The following ZNF644 variants were observed in gnomAD, a reference collection of about 807,000 sequenced individuals.
ZNF644 encodes zinc finger motif enhancer binding protein 2.
Under a neutral mutation model 108.0 loss-of-function variants are expected in ZNF644, and 20 were observed. The ratio of observed to expected loss-of-function variants is 0.19; its 90% CI spans 0.13 to 0.27. The LOEUF (loss-of-function observed/expected upper bound fraction) is 0.27. Among genes scored for constraint, ZNF644 ranks in the 10% least tolerant of loss-of-function variants. The pLI, the probability that ZNF644 is intolerant of heterozygous loss-of-function variation, is 1.00. For synonymous variants in ZNF644, 542 were observed against 539.1 expected, an observed-to-expected ratio of 1.01 and a Z score of -0.08; for missense variants, 1,338 against 1,548.9, an observed-to-expected ratio of 0.86 and a Z score of 2.29.
intron 2 of ZNF644, among the ~76,000 whole-genome samples, chr1:90,961,931 A>T (rs1275159384): frequency 6.6e-6 from 1 of 152,060 alleles, no homozygotes; most frequent in Non-Finnish European, 1.5e-5. Context: ...CTGAACAGAA[A>T]ATTATCTGGC....
intron 1 of ZNF644, among the ~76,000 whole-genome samples, chr1:90,994,666 TAGGCAGC>T (rs1196269415): frequency 1.3e-5 from 2 of 152,200 alleles, no homozygotes; most frequent in African/African-American, 4.8e-5. Flanking sequence ...CTATGCAGTG[TAGGCAGC>T]AGGAAGCTGC....
chr1:90,926,453 T>C (rs918892588), intron 4 of ZNF644, among the ~76,000 whole-genome samples: 3 of 152,182 alleles, frequency 2.0e-5, no homozygotes, highest in African/African-American at 7.2e-5. Context: ...TTGGTCTCTG[T>C]CTGAGGATAC....
chr1:91,013,470 C>T lies in ZNF644; in HGVS notation c.-18+8520G>A, dbSNP rs1660154364. Among the ~76,000 whole-genome samples the T allele has an allele frequency of 2.7e-5, 4 of 149,540 alleles. No homozygotes were observed. The South Asian group carries it at 8.4e-4, about 31-fold the overall frequency. On this transcript the variant is annotated intron_variant, in intron 1 of 5. Coordinates refer to ENST00000337393, the MANE Select transcript of ZNF644 (RefSeq NM_201269.3). Reference sequence around the variant, plus strand: ...TCTCTCTCACACACACACACACACACACACACACACACATACACACACACA... The same window carrying T: ...TCTCTCTCACACACACACACACACATACACACACACACATACACACACACA...
At chr1:90,919,587 T>G (rs1223236201) in intron 4 of ZNF644, among the ~76,000 whole-genome samples, 1 of 152,156 alleles carries the variant, frequency 6.6e-6, no homozygotes. Context: ...CACAGTCTTT[T>G]TCTGTTTATC....
intron 2 of ZNF644, among the ~76,000 whole-genome samples, chr1:90,954,955 C>A (rs1653596848): frequency 1.3e-5 from 2 of 152,206 alleles, no homozygotes; most frequent in Non-Finnish European, 2.9e-5. Context: ...AGGAATCACT[C>A]TAGCTACAGC....
In ZNF644 at chr1:91,007,267, G is replaced by A. The variant is rs537961422; in HGVS notation, c.-18+14723C>T. ...TTTTTTTTTTTTGAGACAGTGTCTC[G>A]CTCTGTTGCACAGGCTGGAGCACAG... On this transcript the variant is annotated intron_variant, in intron 1 of 5. Coordinates refer to ENST00000337393, the MANE Select transcript of ZNF644 (RefSeq NM_201269.3). Among the ~76,000 whole-genome samples, 7 of 104,534 alleles carry A rather than the reference G, an allele frequency of 6.7e-5. No individual in the cohort carries two copies. In the East Asian group the frequency reaches 1.5e-3, roughly 23 times the overall value. The allele number at this position is 104,534 out of a possible 152,430, so 68.6% of individuals were successfully genotyped here. A position where few individuals can be genotyped will look rare whatever the true frequency, so the allele number is the denominator to read the frequency against.
intron 4 of ZNF644, among the ~76,000 whole-genome samples, chr1:90,926,711 T>C (rs747311355): frequency 2.0e-5 from 3 of 152,134 alleles, no homozygotes; most frequent in Non-Finnish European, 4.4e-5. Context: ...ATCTCTTAAC[T>C]CTAATCTACC....
intron 4 of ZNF644, among the ~76,000 whole-genome samples, chr1:90,926,951 CTA>C (rs1406197961): frequency 6.6e-6 from 1 of 152,172 alleles, no homozygotes; most frequent in African/African-American, 2.4e-5. Flanking sequence ...GACTAGCGTT[CTA>C]TGTCATCTAT....
chr1:90,940,455 A>G lies in ZNF644; in HGVS notation c.899T>C (p.Ile300Thr). The G allele has an allele frequency of 6.2e-7, 1 of 1,613,572 alleles. No homozygotes were observed. The highest frequency in any genetic ancestry group is 8.5e-7 in the Non-Finnish European group (1 of 1,179,888). ...AAAGCAATCCTCGGTATAACGAGTT[A>G]TCTTGCTTACATCCATTTTTCGCTT... ...KRKRKMDVSK[I>T]TRYTEDCFSD... is the part of the protein sequence containing the mutation. The change falls in exon 3 of 6, where the codon ATA becomes ACA. Residue 300 changes from isoleucine to threonine, a missense_variant. Ile to Thr is a moderately conservative substitution (Grantham distance 89). Coordinates refer to ENST00000337393, the MANE Select transcript of ZNF644 (RefSeq NM_201269.3).
At chr1:90,969,302 G>A (rs924266206) in intron 2 of ZNF644, among the ~76,000 whole-genome samples, 9 of 152,222 alleles carry the variant, frequency 5.9e-5, no homozygotes, top group Non-Finnish European at 1.2e-4. Context: ...AAGGAGAGAG[G>A]CCTCAGGAGA....
intron 4 of ZNF644, among the ~76,000 whole-genome samples, chr1:90,929,024 T>C (rs1650408089): frequency 6.6e-6 from 1 of 152,206 alleles, no homozygotes; most frequent in Non-Finnish European, 1.5e-5. Flanking sequence ...CAAACTTTTG[T>C]TGAATGAATA....
intron 2 of ZNF644, among the ~76,000 whole-genome samples, chr1:90,952,026 AG>A (rs1275966189): frequency 6.6e-6 from 1 of 152,162 alleles, no homozygotes; most frequent in East Asian, 1.9e-4. Context: ...GGAAGAGTTC[AG>A]TATCTGTCTC....
Position 90,939,031 on chromosome 1 carries a change from A to C in ZNF644, c.2323T>G (p.Phe775Val). Residue 775 changes from phenylalanine (F) to valine (V), a missense_variant, in exon 3 of 6, where the codon TTT becomes GTT. By Grantham distance (50) the Phe-to-Val change is conservative. Transcript: ENST00000337393. ...EASSLNSLHLFSSSSNSHNNF... is the reference protein window; with the variant it reads ...EASSLNSLHLVSSSSNSHNNF... ...TTGTGAGAATTACTTGATGATGAAAACAGGTGTAAAGAATTTAATGAACTA... is the reference window on the plus strand; with the variant it reads ...TTGTGAGAATTACTTGATGATGAAACCAGGTGTAAAGAATTTAATGAACTA... The C allele has an allele frequency of 6.2e-7, 1 of 1,614,032 alleles. No individual in the cohort carries two copies. Among genetic ancestry groups the C allele is most frequent in the Non-Finnish European group, 8.5e-7 (1 of 1,179,916 alleles).
chr1:90,981,074 CAA>C (rs1429004233), intron 2 of ZNF644, among the ~76,000 whole-genome samples: 3 of 152,004 alleles, frequency 2.0e-5, no homozygotes, highest in East Asian at 3.9e-4. Context: ...AAAATCAGAA[CAA>C]AAGTTTTAAC....
intron 2 of ZNF644, among the ~76,000 whole-genome samples, chr1:90,979,284 G>A (rs1250998414): frequency 2.0e-5 from 3 of 152,008 alleles, no homozygotes; most frequent in African/African-American, 7.2e-5. Flanking sequence ...CTAGCCTGAC[G>A]AACATAGTGA....
At chr1:90,948,020 A>G (rs1652699384) in intron 2 of ZNF644, among the ~76,000 whole-genome samples, 5 of 152,236 alleles carry the variant, frequency 3.3e-5, no homozygotes, top group Admixed American at 6.5e-5. Context: ...AGAGACAATT[A>G]TACGTAAAGA....
At chr1:90,997,389 G>A (rs1397710864) in intron 1 of ZNF644, among the ~76,000 whole-genome samples, 1 of 152,018 alleles carries the variant, frequency 6.6e-6, no homozygotes, top group African/African-American at 2.4e-5. Flanking sequence ...ACTGAGCAGA[G>A]ATTTCAGTGC....
intron 1 of ZNF644, among the ~76,000 whole-genome samples, chr1:91,008,772 A>G (rs1659674263): frequency 6.6e-6 from 1 of 152,214 alleles, no homozygotes; most frequent in African/African-American, 2.4e-5. Flanking sequence ...CAAAAACCTC[A>G]CTATTAACGT....
chr1:90,936,423 G>GTTC (rs1651331199), intron 4 of ZNF644, among the ~76,000 whole-genome samples: 1 of 151,994 alleles, frequency 6.6e-6, no homozygotes, highest in Admixed American at 6.6e-5. Context: ...AGAAAAAGCC[G>GTTC]GATTAAACAG....
Sources: gnomAD v4.1 joint callset for allele counts (sites outside exome capture counted in the v4.1 genomes callset) on GRCh38, gnomAD v4.1.1 for gene constraint, MANE v1.5 for transcripts, NCBI Gene and HGNC (gene_info 2026-07-23, HGNC 2026-07-21) for gene names.